Variants in LDB2 observed in about 807,000 individuals in gnomAD.
LDB2 encodes LIM domain-binding protein 2.
Under a neutral mutation model 44.3 loss-of-function variants are expected in LDB2, and 12 were observed. That is an observed-to-expected ratio of 0.27 (90% CI 0.17 to 0.44). LDB2 has a LOEUF of 0.44. LDB2 is among the 20% of genes least tolerant of loss of function. The probability of loss-of-function intolerance (pLI) is 1.00; values close to 1 mark genes in which losing one functional copy is unlikely to be tolerated. For synonymous variants in LDB2, 164 were observed against 174.8 expected (o/e 0.94, Z 0.49); for missense variants, 344 against 473.5 (o/e 0.73, Z 2.54).
At chr4:16,741,383 A>AGG (rs1273625573) in intron 2 of LDB2, 2 of 152,268 alleles carry the variant, frequency 1.3e-5, no homozygotes, top group East Asian at 1.9e-4. Flanking sequence ...ATCTCCAGAG[A>AGG]GGTCCCAGCT....
At chr4:16,858,638 C>T (rs1396496640) in intron 1 of LDB2, among the ~76,000 whole-genome samples, 1 of 152,160 alleles carries the variant, frequency 6.6e-6, no homozygotes, top group Non-Finnish European at 1.5e-5. Flanking sequence ...TTATCTGTGT[C>T]GCCTGAAGGA....
In LDB2 at chr4:16,602,441, TGGTAGGA is replaced by T. The variant is rs532245494; in HGVS notation, c.236-6573_236-6567del. Among the ~76,000 whole-genome samples the T allele has an allele frequency of 2.4e-3, 370 of 152,258 alleles. 1 individual carries two copies. The highest frequency in any genetic ancestry group is 8.5e-3 in the African/African-American group (353 of 41,552). ...CTACGGTATCAGAAAGAAGGCTTTG[TGGTAGGA>T]GGGTGGTCAAAGAGAACAAGATGAT... On this transcript the variant is annotated intron_variant, in intron 2 of 7. Transcript: ENST00000304523.
At chr4:16,867,750 A>T (rs1284492892) in intron 1 of LDB2, among the ~76,000 whole-genome samples, 1 of 152,190 alleles carries the variant, frequency 6.6e-6, no homozygotes, top group Non-Finnish European at 1.5e-5. Flanking sequence ...TGAAGAAGTG[A>T]TCTATAATCA....
intron 1 of LDB2, among the ~76,000 whole-genome samples, chr4:16,765,767 G>A (rs747521432): frequency 3.3e-5 from 5 of 152,206 alleles, no homozygotes; most frequent in Non-Finnish European, 7.3e-5. Flanking sequence ...TCTTCTCTCT[G>A]TCACATCACT....
In LDB2 at chr4:16,588,745, G is replaced by C; in HGVS notation, c.496C>G (p.Arg166Gly). 4 of 1,613,570 alleles carry C rather than the reference G, an allele frequency of 2.5e-6. No individual in the cohort carries two copies. Among genetic ancestry groups the C allele is most frequent in the Non-Finnish European group, 3.4e-6 (4 of 1,179,672 alleles). The change falls in exon 4 of 8, where the codon CGA (arginine) becomes GGA (glycine). Residue 166 changes from arginine (R) to glycine (G), a missense_variant. Physicochemically the swap from Arg to Gly is moderately radical, Grantham distance 125. This residue lies in a region of LDB2 where 226 missense variants were observed against 270.1 expected (regional missense o/e 0.84). Transcript: ENST00000304523. ...KTWHFTIRQY[R>G]ELVPRSILAM... ...AGGATGCTTCTCGGGACTAACTCTC[G>C]GTATTGTCTAATGGTAAAGTGCCAT...
intron 1 of LDB2, among the ~76,000 whole-genome samples, chr4:16,845,749 C>T (rs1580176388): frequency 6.6e-6 from 1 of 152,080 alleles, no homozygotes; most frequent in Non-Finnish European, 1.5e-5. Flanking sequence ...TACTACTAGT[C>T]CTAATTTATG....
At chr4:16,589,854 C>G (rs961074485) in intron 3 of LDB2, among the ~76,000 whole-genome samples, 2 of 152,116 alleles carry the variant, frequency 1.3e-5, no homozygotes, top group Non-Finnish European at 2.9e-5. Flanking sequence ...CTACTTTTTA[C>G]TCATTCTGGA....
chr4:16,897,912 A>ATATATATATATATATATATACACATATG (rs1725617374), intron 1 of LDB2, among the ~76,000 whole-genome samples: 4 of 15,654 alleles, frequency 2.6e-4, no homozygotes, highest in African/African-American at 1.1e-3. Flanking sequence ...ATATATATAT[A>ATATATATATATATATATATACACATATG]TATATATATA....
intron 2 of LDB2, among the ~76,000 whole-genome samples, chr4:16,747,950 G>A (rs1553999558): frequency 3.3e-5 from 5 of 151,966 alleles, no homozygotes; most frequent in Non-Finnish European, 7.4e-5. Context: ...AGTAAAAAAA[G>A]ACAAACAATC....
chr4:16,657,152 T>C (rs1740107121), intron 2 of LDB2, among the ~76,000 whole-genome samples: 1 of 152,172 alleles, frequency 6.6e-6, no homozygotes, highest in Non-Finnish European at 1.5e-5. Flanking sequence ...AAACAGTACA[T>C]TTGAAAAGAC....
At position 16,896,961 on chromosome 4, in the gene LDB2, T is replaced by C. The variant is rs113596992; in HGVS notation, c.132+1393A>G. Among the ~76,000 whole-genome samples, 49 of 152,322 alleles carry C rather than the reference T, an allele frequency of 3.2e-4. 1 individual carries two copies. The Middle Eastern group carries it at 0.014, about 42-fold the overall frequency. ...CACTTCTATAGAAGCTACTGGCTTC[T>C]AGAAAGAGCAAGAGTACCAGCAGTC... On this transcript the variant is annotated intron_variant, in intron 1 of 7. Transcript: ENST00000304523.
intron 1 of LDB2, among the ~76,000 whole-genome samples, chr4:16,857,000 C>T (rs538197340): frequency 2.0e-5 from 3 of 152,226 alleles, no homozygotes; most frequent in African/African-American, 7.2e-5. Context: ...GCCTTTATTT[C>T]TTGCTATTCA....
At chr4:16,683,697 G>A (rs1670949008) in intron 2 of LDB2, among the ~76,000 whole-genome samples, 1 of 152,198 alleles carries the variant, frequency 6.6e-6, no homozygotes, top group Non-Finnish European at 1.5e-5. Context: ...GTAGAATGAT[G>A]GATTAGCATA....
chr4:16,543,922 A>G (rs576871002), intron 5 of LDB2, among the ~76,000 whole-genome samples: 14 of 152,334 alleles, frequency 9.2e-5, no homozygotes, highest in Admixed American at 8.5e-4. Flanking sequence ...TACAAGAAAA[A>G]AATCAAATAA....
At chr4:16,516,890 G>C (rs566323628) in intron 5 of LDB2, among the ~76,000 whole-genome samples, 3 of 152,306 alleles carry the variant, frequency 2.0e-5, no homozygotes, top group Non-Finnish European at 4.4e-5. Flanking sequence ...AGAGTCCGGG[G>C]CTGGAGAGGC....
chr4:16,599,657 C>T (rs1380160539), intron 2 of LDB2, among the ~76,000 whole-genome samples: 1 of 152,100 alleles, frequency 6.6e-6, no homozygotes, highest in Non-Finnish European at 1.5e-5. Context: ...ACGCATACAC[C>T]ATGCACATAC....
chr4:16,562,052 T>G (rs1467891536), intron 5 of LDB2, among the ~76,000 whole-genome samples: 1 of 152,158 alleles, frequency 6.6e-6, no homozygotes, highest in Non-Finnish European at 1.5e-5. Context: ...TCCTTACATC[T>G]TATACAAAAA....
intron 1 of LDB2, among the ~76,000 whole-genome samples, chr4:16,880,621 T>G (rs777010752): frequency 1.3e-5 from 2 of 152,136 alleles, no homozygotes; most frequent in Non-Finnish European, 2.9e-5. Context: ...CTATTTAGAT[T>G]ATCATTTCTG....
At chr4:16,618,927 T>A (rs543408374) in intron 2 of LDB2, among the ~76,000 whole-genome samples, 1 of 152,228 alleles carries the variant, frequency 6.6e-6, no homozygotes, top group South Asian at 2.1e-4. Context: ...GAGATCTGGT[T>A]AAGAGTGTGT....
Sources: gnomAD v4.1 joint callset for allele counts (sites outside exome capture counted in the v4.1 genomes callset) on GRCh38, gnomAD v4.1.1 for gene constraint, gnomAD v4.1.1 regional missense constraint, MANE v1.5 for transcripts, NCBI Gene and HGNC (gene_info 2026-07-23, HGNC 2026-07-21) for gene names.